TPD52L1: variants seen among roughly 807,000 people sequenced by gnomAD.
TPD52L1 encodes the protein tumor protein D53.
In TPD52L1, 18 loss-of-function variants were observed where a neutral mutation model predicts 28.7. The observed-to-expected ratio is 0.63, with a 90% confidence interval of 0.43 to 0.93. TPD52L1 has a LOEUF of 0.93. Among genes scored for constraint, TPD52L1 ranks in the 40% least tolerant of loss-of-function variants. The probability of loss-of-function intolerance (pLI) is 0.00; values close to 1 mark genes in which losing one functional copy is unlikely to be tolerated. For missense variants in TPD52L1, 203 were observed against 254.8 expected, an observed-to-expected ratio of 0.80 and a Z score of 1.39; for synonymous variants, 75 against 88.8, an observed-to-expected ratio of 0.84 and a Z score of 0.88.
chr6:125,228,660 G>GTGA (rs1795762662), intron 2 of TPD52L1, among the ~76,000 whole-genome samples: 1 of 152,168 alleles, frequency 6.6e-6, no homozygotes, highest in Non-Finnish European at 1.5e-5. Flanking sequence ...GGTCAACATA[G>GTGA]TGAGACCCTG....
intron 1 of TPD52L1, among the ~76,000 whole-genome samples, chr6:125,212,393 A>G (rs1200667798): frequency 1.3e-5 from 2 of 152,208 alleles, no homozygotes; most frequent in Non-Finnish European, 2.9e-5. Context: ...TTTGCCAACA[A>G]TGCAGGATAT....
intron 2 of TPD52L1, among the ~76,000 whole-genome samples, chr6:125,221,067 C>G (rs1242564448): frequency 6.6e-6 from 1 of 152,182 alleles, no homozygotes; most frequent in East Asian, 1.9e-4. Flanking sequence ...TTACCCTCTC[C>G]CCACTTTGTC....
rs56135453 is a variant in TPD52L1, at chr6:125,216,529, GTATATATATATA to G, written c.20-3517_20-3506del. ...GCAACAGTAAATTCAGTATGTGTGT[GTATATATATATA>G]TATATATATATATATATATATATAT... On this transcript the variant is annotated intron_variant, in intron 1 of 6. Coordinates refer to ENST00000534000, the MANE Select transcript of TPD52L1 (RefSeq NM_003287.4). Among the ~76,000 whole-genome samples, 336 of 69,064 alleles carry G rather than the reference GTATATATATATA, an allele frequency of 4.9e-3. 1 individual carries two copies. The highest frequency in any genetic ancestry group is 6.2e-3 in the African/African-American group (73 of 11,800). The allele number at this position is 69,064 out of a possible 152,430, so 45.3% of individuals were successfully genotyped here.
chr6:125,175,103 A>G (rs1467634705), intron 1 of TPD52L1, among the ~76,000 whole-genome samples: 1 of 152,162 alleles, frequency 6.6e-6, no homozygotes, highest in East Asian at 1.9e-4. Context: ...TATATTATGC[A>G]TAATCATTTA....
chr6:125,205,149 T>A (rs935167760), intron 1 of TPD52L1, among the ~76,000 whole-genome samples: 3 of 152,210 alleles, frequency 2.0e-5, no homozygotes, highest in Non-Finnish European at 4.4e-5. Flanking sequence ...TAGTAGAAAT[T>A]ATCTCCCAAG....
In TPD52L1 at chr6:125,201,140, A is replaced by G. The variant is rs1204561361; in HGVS notation, c.20-18938A>G. On this transcript the variant is annotated intron_variant, in intron 1 of 6. Transcript: ENST00000534000. Reference sequence around the variant, plus strand: ...AAGCAAGGTACCAAAGAGGAAGTCAATCTATAGCAAGGGTCATTAAGAAGG... The same window carrying G: ...AAGCAAGGTACCAAAGAGGAAGTCAGTCTATAGCAAGGGTCATTAAGAAGG... Among the ~76,000 whole-genome samples, 8 of 152,178 alleles carry G rather than the reference A, an allele frequency of 5.3e-5. No homozygotes were observed. In the South Asian group the frequency reaches 1.0e-3, roughly 20 times the overall value.
At chr6:125,198,760 G>C (rs1357054556) in intron 1 of TPD52L1, among the ~76,000 whole-genome samples, 1 of 152,122 alleles carries the variant, frequency 6.6e-6, no homozygotes, top group Non-Finnish European at 1.5e-5. Context: ...GTTGTCAATG[G>C]CTCAATTTTG....
At chr6:125,248,166 T>C in intron 3 of TPD52L1, 116 bp from the exon 4 acceptor site, 1 of 833,320 alleles carries the variant, frequency 1.2e-6, no homozygotes, top group Admixed American at 2.3e-5. Flanking sequence ...GTTTTGTGGA[T>C]CTTCTTCCTA....
intron 3 of TPD52L1, among the ~76,000 whole-genome samples, chr6:125,230,537 G>T (rs1795888098): frequency 6.6e-6 from 1 of 152,140 alleles, no homozygotes; most frequent in Non-Finnish European, 1.5e-5. Flanking sequence ...CTGATGGTAG[G>T]AAGAGGTACC....
intron 1 of TPD52L1, among the ~76,000 whole-genome samples, chr6:125,169,272 A>G (rs1380551357): frequency 6.6e-6 from 1 of 151,890 alleles, no homozygotes; most frequent in Non-Finnish European, 1.5e-5. Flanking sequence ...TTCTATCTAC[A>G]CTAGCACTGT....
Position 125,226,338 on chromosome 6 carries a change from G to A in TPD52L1, c.136-2780G>A, listed in dbSNP as rs73771285. Among the ~76,000 whole-genome samples, 1,318 of 151,964 alleles carry A rather than the reference G, an allele frequency of 8.7e-3. 22 individuals carry two copies. The highest frequency in any genetic ancestry group is 0.03 in the African/African-American group (1,258 of 41,426). On this transcript the variant is annotated intron_variant, in intron 2 of 6. Transcript: ENST00000534000. The stretch of plus-strand genomic sequence containing the variant: ...CTGAATTTTTGAATTATTAAGTGTG[G>A]GACTTTATATTTCTTTTTTTTAAGA...
chr6:125,263,768 A>T lies in TPD52L1; in HGVS notation c.*806A>T, dbSNP rs1798185519. The T allele has an allele frequency of 6.6e-6, 1 of 152,220 alleles. No individual in the cohort carries two copies. Among genetic ancestry groups the T allele is most frequent in the Admixed American group, 6.5e-5 (1 of 15,278 alleles). 9.4% of individuals were successfully genotyped at this position (152,220 alleles called of 1,614,324 possible). On this transcript the variant is annotated 3_prime_UTR_variant, in exon 7 of 7. Coordinates refer to ENST00000534000, the MANE Select transcript of TPD52L1 (RefSeq NM_003287.4). Reference sequence around the variant, plus strand: ...CTAGAGGCTGAGGCAGGAGGATTGCATGAGCCTAGGAGTTCGAAACTGCAG... The same window carrying T: ...CTAGAGGCTGAGGCAGGAGGATTGCTTGAGCCTAGGAGTTCGAAACTGCAG...
intron 1 of TPD52L1, among the ~76,000 whole-genome samples, chr6:125,216,847 C>T (rs1440450056): frequency 2.6e-5 from 4 of 151,862 alleles, no homozygotes; most frequent in Admixed American, 2.6e-4. Flanking sequence ...CATCAGGGTG[C>T]CAATGGCACA....
At chr6:125,212,713 G>C (rs888547920) in intron 1 of TPD52L1, among the ~76,000 whole-genome samples, 1 of 152,228 alleles carries the variant, frequency 6.6e-6, no homozygotes, top group African/African-American at 2.4e-5. Flanking sequence ...TGAGCCCCAG[G>C]TCCCATGAAT....
At chr6:125,186,546 A>T (rs62432191) in intron 1 of TPD52L1, among the ~76,000 whole-genome samples, 13,544 of 152,258 alleles carry the variant, frequency 0.089, 717 homozygotes, top group Middle Eastern at 0.14. Context: ...TAAAGTCCCA[A>T]CAAAGATATT....
intron 4 of TPD52L1, 81 bp downstream of exon 4, chr6:125,248,464 T>C: frequency 1.1e-6 from 1 of 937,370 alleles, no homozygotes; most frequent in Non-Finnish European, 1.7e-6. Flanking sequence ...TAGCTGCTCA[T>C]CTCAACATAT....
In TPD52L1 at chr6:125,172,528, A is replaced by ATATAT. The variant is rs1554202616; in HGVS notation, c.19+18559_19+18563dup. Among the ~76,000 whole-genome samples, 3 of 83,442 alleles carry ATATAT rather than the reference A, an allele frequency of 3.6e-5. No individual in the cohort carries two copies. The South Asian group carries it at 1.1e-3, about 31-fold the overall frequency. 54.7% of individuals were successfully genotyped at this position (83,442 alleles called of 152,430 possible). On this transcript the variant is annotated intron_variant, in intron 1 of 6. Transcript: ENST00000534000. ...TCTTTCATGCTATATATATATATAT[A>ATATAT]TATATATATATATATATATATATAA...
chr6:125,173,334 T>C (rs1372361785), intron 1 of TPD52L1, among the ~76,000 whole-genome samples: 1 of 152,244 alleles, frequency 6.6e-6, no homozygotes, highest in East Asian at 1.9e-4. Context: ...GAATGGTTTA[T>C]AGAGCAGCTT....
chr6:125,234,075 A>C (rs1477150202), intron 3 of TPD52L1, among the ~76,000 whole-genome samples: 2 of 152,190 alleles, frequency 1.3e-5, no homozygotes, highest in Non-Finnish European at 2.9e-5. Flanking sequence ...GTTTACATGT[A>C]CTCAACACCA....
Sources: allele counts gnomAD v4.1 joint callset (sites outside exome capture counted in the v4.1 genomes callset), GRCh38; gene constraint gnomAD v4.1.1; transcripts MANE v1.5; gene names NCBI Gene and HGNC (gene_info 2026-07-23, HGNC 2026-07-21).